The following RAP1B variants were observed in gnomAD, a reference collection of about 807,000 sequenced individuals.
The protein encoded by RAP1B is RAP1B, member of RAS oncogene family, also known as ras-related protein Rap-1b.
In RAP1B, 1 loss-of-function variant was observed where a neutral mutation model predicts 27.5. The observed-to-expected ratio is 0.04, with a 90% CI of 0.01 to 0.17. The LOEUF (loss-of-function observed/expected upper bound fraction) is 0.17. Ranked by LOEUF, RAP1B falls within the 10% of genes least tolerant of loss-of-function variation. The pLI, the probability that RAP1B is intolerant of heterozygous loss-of-function variation, is 1.00. For missense variants in RAP1B, 84 were observed against 214.8 expected (o/e 0.39, Z 3.81); for synonymous variants, 75 against 73.1 (o/e 1.03, Z -0.13).
Position 68,666,305 on chromosome 12 carries a change from T to C in RAP1B, c.*7056T>C, listed in dbSNP as rs1592478262. On this transcript the variant is annotated 3_prime_UTR_variant, in exon 8 of 8. Coordinates refer to ENST00000250559, the MANE Select transcript of RAP1B (RefSeq NM_001010942.3). The stretch of plus-strand genomic sequence containing the variant: ...TTTTAATTGGATTCTCGTATGTTGA[T>C]CTATTTCTATTGTTTTCTAAAAAAA... 6.6e-6 allele frequency: 1 copy of C among 152,226 alleles called. No individual in the cohort carries two copies. Among genetic ancestry groups the C allele is most frequent in the Admixed American group, 6.5e-5 (1 of 15,282 alleles). 9.4% of individuals were successfully genotyped at this position (152,226 alleles called of 1,614,324 possible). A position where few individuals can be genotyped will look rare whatever the true frequency, so the allele number is the denominator to read the frequency against.
intron 1 of RAP1B, among the ~76,000 whole-genome samples, chr12:68,611,595 G>A (rs1020019935): frequency 2.6e-5 from 4 of 152,138 alleles, no homozygotes; most frequent in Non-Finnish European, 5.9e-5. Context: ...CAGGCGCCCC[G>A]CGGGCTTGAG....
At chr12:68,652,147 T>C (rs1270126574) in intron 4 of RAP1B, 96 bp downstream of exon 4, 11 of 973,576 alleles carry the variant, frequency 1.1e-5, no homozygotes, top group Non-Finnish European at 1.7e-5. Flanking sequence ...TTAAGCTTAT[T>C]TAAAAGTACT....
intron 1 of RAP1B, among the ~76,000 whole-genome samples, chr12:68,636,752 C>T (rs1439491396): frequency 1.3e-5 from 2 of 151,688 alleles, no homozygotes; most frequent in African/African-American, 4.9e-5. Context: ...AGTCTCTGTT[C>T]AAGCAATTCT....
chr12:68,648,663 T>A (rs1367303318), intron 1 of RAP1B, 36 bp from the exon 2 acceptor site: 9 of 1,471,464 alleles, frequency 6.1e-6, no homozygotes, highest in Non-Finnish European at 8.4e-6. Flanking sequence ...TACACAACTT[T>A]ACTTAGAATT....
Position 68,657,202 on chromosome 12 carries a change from T to C in RAP1B, c.*15T>C. 2 of 1,587,106 alleles carry C rather than the reference T, an allele frequency of 1.3e-6. No homozygotes were observed. Among genetic ancestry groups the C allele is most frequent in the Non-Finnish European group, 1.7e-6 (2 of 1,156,016 alleles). On this transcript the variant is annotated 3_prime_UTR_variant, in exon 7 of 8. Coordinates refer to ENST00000250559, the MANE Select transcript of RAP1B (RefSeq NM_001010942.3). ...AGCTGCTTTAATATACTAAATGCAT[T>C]GTAGCTCTGAGCCAGGTATGTTCAC...
intron 1 of RAP1B, among the ~76,000 whole-genome samples, chr12:68,620,465 C>T (rs150622815): frequency 3.5e-4 from 53 of 152,164 alleles, no homozygotes; most frequent in Non-Finnish European, 6.6e-4. Flanking sequence ...TCAGGTGATC[C>T]GCCCACCTCG....
intron 1 of RAP1B, among the ~76,000 whole-genome samples, chr12:68,630,012 T>TC (rs1872119376): frequency 1.3e-5 from 2 of 152,248 alleles, no homozygotes; most frequent in Non-Finnish European, 2.9e-5. Context: ...TGTCTCTCCT[T>TC]CACTTAAACC....
rs1874691982 is a variant in RAP1B at position 68,663,095 on chromosome 12, C to T, written c.*3846C>T. On this transcript the variant is annotated 3_prime_UTR_variant, in exon 8 of 8. Coordinates refer to ENST00000250559, the MANE Select transcript of RAP1B (RefSeq NM_001010942.3). ...TTTTTTTTTTTGAGACTGAGTTTCG[C>T]TCTTGTTGCCCAGGCTGGCGTACAG... is the stretch of plus-strand genomic sequence containing the variant. 6.7e-6 allele frequency: 1 copy of T among 149,026 alleles called. No individual in the cohort carries two copies. Among genetic ancestry groups the T allele is most frequent in the Non-Finnish European group, 1.5e-5 (1 of 67,532 alleles). The allele number at this position is 149,026 out of a possible 1,614,324, so 9.2% of individuals were successfully genotyped here.
chr12:68,666,219 C>T lies in RAP1B; in HGVS notation c.*6970C>T, dbSNP rs1022710298. The T allele has an allele frequency of 6.6e-6, 1 of 152,182 alleles. No individual in the cohort carries two copies. Among genetic ancestry groups the T allele is most frequent in the African/African-American group, 2.4e-5 (1 of 41,450 alleles). The allele number at this position is 152,182 out of a possible 1,614,324, so 9.4% of individuals were successfully genotyped here. On this transcript the variant is annotated 3_prime_UTR_variant, in exon 8 of 8. Coordinates refer to ENST00000250559, the MANE Select transcript of RAP1B (RefSeq NM_001010942.3). Reference sequence around the variant, plus strand: ...CCCAGTAATGTAAACTTTATTTTCTCTCAATTTTCGTAAGTGGTATTTTGG... The same window carrying T: ...CCCAGTAATGTAAACTTTATTTTCTTTCAATTTTCGTAAGTGGTATTTTGG...
Position 68,648,701 on chromosome 12 carries a change from A to C in RAP1B, c.-24A>C. On this transcript the variant is annotated splice_region_variant and 5_prime_UTR_variant, in exon 2 of 8. Coordinates refer to ENST00000250559, the MANE Select transcript of RAP1B (RefSeq NM_001010942.3). The stretch of plus-strand genomic sequence containing the variant: ...TTTTTTTTTTTTCCTTTAATAAGGT[A>C]CTAGGTTTTGACAAGCTTGCATCAT... 6.2e-7 allele frequency: 1 copy of C among 1,604,746 alleles called. No individual in the cohort carries two copies. Among genetic ancestry groups the C allele is most frequent in the Non-Finnish European group, 8.5e-7 (1 of 1,175,748 alleles).
chr12:68,621,548 A>G (rs1387142528), intron 1 of RAP1B: 1 of 152,232 alleles, frequency 6.6e-6, no homozygotes, highest in Non-Finnish European at 1.5e-5. Flanking sequence ...GTTTAGATGA[A>G]AGTGATGATG....
At chr12:68,629,517 A>C (rs926062644) in intron 1 of RAP1B, among the ~76,000 whole-genome samples, 6 of 152,356 alleles carry the variant, frequency 3.9e-5, no homozygotes, top group African/African-American at 1.4e-4. Context: ...CCACTTGAAG[A>C]ATCTAAATGC....
intron 6 of RAP1B, 64 bp downstream of exon 6, chr12:68,656,513 A>T (rs763462963): frequency 4.0e-6 from 6 of 1,507,820 alleles, no homozygotes; most frequent in Non-Finnish European, 5.5e-6. Context: ...TGAATGGAAA[A>T]TGTCTTAACC....
Position 68,671,819 on chromosome 12 carries a change from GTCA to G in RAP1B, c.*12575_*12577del, listed in dbSNP as rs897351002. ...ATATAAAAAAAAAAGCTATATGAAT[GTCA>G]TCATTATATGTAAAATATGAATGTA... is the stretch of plus-strand genomic sequence containing the variant. On this transcript the variant is annotated 3_prime_UTR_variant, in exon 8 of 8. Transcript: ENST00000250559. 11 of 151,804 alleles carry G rather than the reference GTCA, an allele frequency of 7.2e-5. No individual in the cohort carries two copies. The highest frequency in any genetic ancestry group is 2.1e-4 in the South Asian group (1 of 4,808). The allele number at this position is 151,804 out of a possible 1,614,324, so 9.4% of individuals were successfully genotyped here.
rs1875034405 is a variant in RAP1B, at chr12:68,670,237, A to C, written c.*10988A>C. The C allele has an allele frequency of 6.6e-6, 1 of 152,030 alleles. No individual in the cohort carries two copies. The highest frequency in any genetic ancestry group is 2.1e-4 in the South Asian group (1 of 4,822). The allele number at this position is 152,030 out of a possible 1,614,324, so 9.4% of individuals were successfully genotyped here. A position where few individuals can be genotyped will look rare whatever the true frequency, so the allele number is the denominator to read the frequency against. Reference sequence around the variant, plus strand: ...AGGTGTGAGCCACTGTGCCCGGCCGACAAAAATATATTTCAATAGAAAATA... The same window carrying C: ...AGGTGTGAGCCACTGTGCCCGGCCGCCAAAAATATATTTCAATAGAAAATA... On this transcript the variant is annotated 3_prime_UTR_variant, in exon 8 of 8. Transcript: ENST00000250559.
In RAP1B at chr12:68,667,109, C is replaced by T. The variant is rs1874887332; in HGVS notation, c.*7860C>T. On this transcript the variant is annotated 3_prime_UTR_variant, in exon 8 of 8. Transcript: ENST00000250559. ...GATGACAGAAACTTCCCCCCTTTTACTTAGATCTAATAGTAATATAACAAA... is the reference window on the plus strand; with the variant it reads ...GATGACAGAAACTTCCCCCCTTTTATTTAGATCTAATAGTAATATAACAAA... The T allele has an allele frequency of 6.6e-6, 1 of 152,162 alleles. No individual in the cohort carries two copies. Among genetic ancestry groups the T allele is most frequent in the South Asian group, 2.1e-4 (1 of 4,830 alleles). 9.4% of individuals were successfully genotyped at this position (152,162 alleles called of 1,614,324 possible). A position where few individuals can be genotyped will look rare whatever the true frequency, so the allele number is the denominator to read the frequency against.
At position 68,665,398 on chromosome 12, in the gene RAP1B, G is replaced by C. The variant is rs1420986441; in HGVS notation, c.*6149G>C. The C allele has an allele frequency of 1.3e-5, 2 of 152,190 alleles. No individual in the cohort carries two copies. Among genetic ancestry groups the C allele is most frequent in the African/African-American group, 4.8e-5 (2 of 41,444 alleles). The allele number at this position is 152,190 out of a possible 1,614,324, so 9.4% of individuals were successfully genotyped here. ...GGACCTTGGAGTTACTGACATTGGA[G>C]GCAACTGAAACCATGAGTGTGAATG... is the stretch of plus-strand genomic sequence containing the variant. On this transcript the variant is annotated 3_prime_UTR_variant, in exon 8 of 8. Coordinates refer to ENST00000250559, the MANE Select transcript of RAP1B (RefSeq NM_001010942.3).
chr12:68,652,463 A>C (rs755546160), intron 4 of RAP1B, among the ~76,000 whole-genome samples: 9 of 152,116 alleles, frequency 5.9e-5, no homozygotes, highest in Non-Finnish European at 1.0e-4. Context: ...TCAAAAAAAA[A>C]CATAAGACTA....
At chr12:68,639,701 CAG>C (rs1330610772) in intron 1 of RAP1B, among the ~76,000 whole-genome samples, 1 of 152,168 alleles carries the variant, frequency 6.6e-6, no homozygotes, top group Non-Finnish European at 1.5e-5. Context: ...TATTGAAAAA[CAG>C]CACCTCATAA....
Sources: allele counts gnomAD v4.1 joint callset (sites outside exome capture counted in the v4.1 genomes callset), GRCh38; gene constraint gnomAD v4.1.1; transcripts MANE v1.5; gene names NCBI Gene and HGNC (gene_info 2026-07-23, HGNC 2026-07-21).